The following KIRREL3 variants were observed in gnomAD, a reference collection of about 807,000 sequenced individuals.
The protein encoded by KIRREL3 is kirre like nephrin family adhesion molecule 3, also known as kin of IRRE-like protein 3.
In KIRREL3, 36 loss-of-function variants were observed where a neutral mutation model predicts 89.7. The observed-to-expected ratio is 0.40, with a 90% confidence interval of 0.31 to 0.53. The LOEUF (loss-of-function observed/expected upper bound fraction) is 0.53, where lower values mean the gene tolerates loss of function less well. Among genes scored for constraint, KIRREL3 ranks in the 20% least tolerant of loss-of-function variants. The pLI is 0.49. For synonymous variants in KIRREL3, 445 were observed against 441.4 expected (o/e 1.01, Z -0.10); for missense variants, 864 against 1,056.6 (o/e 0.82, Z 2.53).
chr11:126,551,295 C>A lies in KIRREL3; in HGVS notation c.133+11540G>T, dbSNP rs1177398437. 6.6e-6 allele frequency among the ~76,000 whole-genome samples: 1 copy of A among 152,052 alleles called. No homozygotes were observed. The highest frequency in any genetic ancestry group is 1.9e-4 in the East Asian group (1 of 5,176). On this transcript the variant is annotated intron_variant, in intron 2 of 16. Transcript: ENST00000525144. The surrounding 1 kb of genome is among the most constrained non-coding windows in gnomAD (Gnocchi z 4.9). ...ACTCTCTCAGGGAAGGGTCTTAAGACCCACAATCAGAAAGTGGTGAAAGGT... is the reference window on the plus strand; with the variant it reads ...ACTCTCTCAGGGAAGGGTCTTAAGAACCACAATCAGAAAGTGGTGAAAGGT...
rs1035699530 is a variant in KIRREL3 at position 126,897,136 on chromosome 11, G to A, written c.55+103319C>T. On this transcript the variant is annotated intron_variant, in intron 1 of 16. Coordinates refer to ENST00000525144, the MANE Select transcript of KIRREL3 (RefSeq NM_032531.4). This position sits in a 1 kb window ranked among gnomAD's most constrained non-coding sequence, Gnocchi z 4.2. ...GGCTACAAACAACTCCACAACTAAA[G>A]CAAACCCTTCTGGTCACCCTGGGTC... Among the ~76,000 whole-genome samples the A allele has an allele frequency of 2.0e-5, 3 of 152,040 alleles. No individual in the cohort carries two copies. Among genetic ancestry groups the A allele is most frequent in the Non-Finnish European group, 2.9e-5 (2 of 68,032 alleles).
rs1015861003 is a variant in KIRREL3 at position 126,551,164 on chromosome 11, C to T, written c.133+11671G>A. 6.6e-5 allele frequency among the ~76,000 whole-genome samples: 10 copies of T among 152,264 alleles called. No homozygotes were observed. The highest frequency in any genetic ancestry group is 1.9e-4 in the East Asian group (1 of 5,182). On this transcript the variant is annotated intron_variant, in intron 2 of 16. Coordinates refer to ENST00000525144, the MANE Select transcript of KIRREL3 (RefSeq NM_032531.4). The surrounding 1 kb of genome is among the most constrained non-coding windows in gnomAD (Gnocchi z 4.9). ...GGAGCTTCCACGCCCTCCCTGAGTG[C>T]GCCACCCTCCAGGAAGCTTTACATG...
chr11:126,945,586 G>A (rs1275361468), intron 1 of KIRREL3, among the ~76,000 whole-genome samples: 2 of 152,150 alleles, frequency 1.3e-5, no homozygotes, highest in Non-Finnish European at 2.9e-5. Flanking sequence ...GCCTTCAGGG[G>A]AAGCTGCAAA....
rs1292380401 is a variant in KIRREL3 at position 126,562,499 on chromosome 11, A to G, written c.133+336T>C. Among the ~76,000 whole-genome samples the G allele has an allele frequency of 6.6e-6, 1 of 152,222 alleles. No individual in the cohort carries two copies. The highest frequency in any genetic ancestry group is 1.5e-5 in the Non-Finnish European group (1 of 68,042). On this transcript the variant is annotated intron_variant, in intron 2 of 16. Transcript: ENST00000525144. The surrounding 1 kb of genome is among the most constrained non-coding windows in gnomAD (Gnocchi z 4.7). ...GGAGGCAAGTAGAGAGGTCTGGATTAGAAATGAAAATAGGAGCAGATTTAA... is the reference window on the plus strand; with the variant it reads ...GGAGGCAAGTAGAGAGGTCTGGATTGGAAATGAAAATAGGAGCAGATTTAA...
Position 126,686,143 on chromosome 11 carries a change from G to A in KIRREL3, c.56-123231C>T, listed in dbSNP as rs1374916493. On this transcript the variant is annotated intron_variant, in intron 1 of 16. Coordinates refer to ENST00000525144, the MANE Select transcript of KIRREL3 (RefSeq NM_032531.4). The surrounding 1 kb of genome is among the most constrained non-coding windows in gnomAD (Gnocchi z 4.7). ...TCCTTCCCTGTGGTCCGAGTTACTG[G>A]CAGGGTCTCTGCGTTCTGCCTTTGT... Among the ~76,000 whole-genome samples, 1 of 152,156 alleles carries A rather than the reference G, an allele frequency of 6.6e-6. No homozygotes were observed. The highest frequency in any genetic ancestry group is 1.5e-5 in the Non-Finnish European group (1 of 68,036).
At chr11:126,581,566 T>C (rs1019850112) in intron 1 of KIRREL3, among the ~76,000 whole-genome samples, 1 of 152,078 alleles carries the variant, frequency 6.6e-6, no homozygotes, top group African/African-American at 2.4e-5. Context: ...GATCTATTTA[T>C]GGTATACAAG....
chr11:126,895,415 C>T (rs1007339089), intron 1 of KIRREL3, among the ~76,000 whole-genome samples: 1 of 142,598 alleles, frequency 7.0e-6, no homozygotes, highest in Non-Finnish European at 1.5e-5. Flanking sequence ...CCACTGTACA[C>T]TGCAGCCTCA....
In KIRREL3 at chr11:126,431,264, A is replaced by G; in HGVS notation, c.1696+155T>C. 6.5e-7 allele frequency: 1 copy of G among 1,543,276 alleles called. No homozygotes were observed. Among genetic ancestry groups the G allele is most frequent in the Non-Finnish European group, 8.8e-7 (1 of 1,141,090 alleles). ...GGCGCCATGTTGCCCAGGCTCACATACACCGATGCATCAGACCCACTCCCT... is the reference window on the plus strand; with the variant it reads ...GGCGCCATGTTGCCCAGGCTCACATGCACCGATGCATCAGACCCACTCCCT... On this transcript the variant is annotated intron_variant, in intron 14 of 16. Coordinates refer to ENST00000525144, the MANE Select transcript of KIRREL3 (RefSeq NM_032531.4). The surrounding 1 kb of genome is among the most constrained non-coding windows in gnomAD (Gnocchi z 7.1).
intron 1 of KIRREL3, among the ~76,000 whole-genome samples, chr11:126,717,121 A>T (rs1947996112): frequency 6.6e-6 from 1 of 152,100 alleles, no homozygotes; most frequent in Non-Finnish European, 1.5e-5. Context: ...ACAAAGGGAG[A>T]TTTCTTTGCC....
chr11:126,811,304 G>C lies in KIRREL3; in HGVS notation c.55+189151C>G, dbSNP rs569492475. 6.6e-6 allele frequency among the ~76,000 whole-genome samples: 1 copy of C among 152,300 alleles called. No individual in the cohort carries two copies. Among genetic ancestry groups the C allele is most frequent in the East Asian group, 1.9e-4 (1 of 5,182 alleles). ...TTTCTTCAGAGAGAACTTTGACCCA[G>C]AACCGAGTGACTGTTATGGAGCTAC... On this transcript the variant is annotated intron_variant, in intron 1 of 16. Transcript: ENST00000525144. The surrounding 1 kb of genome is among the most constrained non-coding windows in gnomAD (Gnocchi z 4.3).
rs1049168068 is a variant in KIRREL3 at position 126,519,242 on chromosome 11, T to C, written c.433+2073A>G. Among the ~76,000 whole-genome samples the C allele has an allele frequency of 1.3e-5, 2 of 152,204 alleles. No homozygotes were observed. Among genetic ancestry groups the C allele is most frequent in the Non-Finnish European group, 2.9e-5 (2 of 68,032 alleles). ...AATCGGGTCTGTTCAGGTTGGATCC[T>C]GAGGCCCTGCTCTGAGAAGCCTGGC... is the stretch of plus-strand genomic sequence containing the variant. On this transcript the variant is annotated intron_variant, in intron 4 of 16. Coordinates refer to ENST00000525144, the MANE Select transcript of KIRREL3 (RefSeq NM_032531.4). This position sits in a 1 kb window ranked among gnomAD's most constrained non-coding sequence, Gnocchi z 4.3.
intron 1 of KIRREL3, among the ~76,000 whole-genome samples, chr11:126,901,288 G>C (rs139466063): frequency 0.022 from 3,318 of 151,034 alleles, 79 homozygotes; most frequent in Non-Finnish European, 0.028. Context: ...TCAAGTTAAC[G>C]ATTCTTTTAG....
chr11:126,756,167 A>G (rs1046173926), intron 1 of KIRREL3, among the ~76,000 whole-genome samples: 5 of 152,210 alleles, frequency 3.3e-5, no homozygotes, highest in African/African-American at 9.6e-5. Flanking sequence ...GCCAGACATA[A>G]TTAAGTAGAA....
rs1951410769 is a variant in KIRREL3 at position 126,812,126 on chromosome 11, T to C, written c.55+188329A>G. On this transcript the variant is annotated intron_variant, in intron 1 of 16. Coordinates refer to ENST00000525144, the MANE Select transcript of KIRREL3 (RefSeq NM_032531.4). This position sits in a 1 kb window ranked among gnomAD's most constrained non-coding sequence, Gnocchi z 5.2. ...ACCAGATATAATAGATTCTGTTCATTAAGGAAACTGCTTGCCATTTGCTAC... is the reference window on the plus strand; with the variant it reads ...ACCAGATATAATAGATTCTGTTCATCAAGGAAACTGCTTGCCATTTGCTAC... Among the ~76,000 whole-genome samples the C allele has an allele frequency of 6.6e-6, 1 of 152,208 alleles. No individual in the cohort carries two copies. Among genetic ancestry groups the C allele is most frequent in the African/African-American group, 2.4e-5 (1 of 41,444 alleles).
At chr11:126,833,662 C>T (rs920812327) in intron 1 of KIRREL3, among the ~76,000 whole-genome samples, 1 of 152,196 alleles carries the variant, frequency 6.6e-6, no homozygotes, top group African/African-American at 2.4e-5. Context: ...TGGCCTCACA[C>T]CTTTAGCCCC....
In KIRREL3 at chr11:126,739,587, C is replaced by G. The variant is rs1948912845; in HGVS notation, c.56-176675G>C. On this transcript the variant is annotated intron_variant, in intron 1 of 16. Transcript: ENST00000525144. The surrounding 1 kb of genome is among the most constrained non-coding windows in gnomAD (Gnocchi z 5.5). Reference sequence around the variant, plus strand: ...TCATACTCTTCCTGAAGGTATGTCACCTGGCTTTGTATGACAGCATGTTAA... The same window carrying G: ...TCATACTCTTCCTGAAGGTATGTCAGCTGGCTTTGTATGACAGCATGTTAA... 6.6e-6 allele frequency among the ~76,000 whole-genome samples: 1 copy of G among 152,160 alleles called. No individual in the cohort carries two copies. Among genetic ancestry groups the G allele is most frequent in the Non-Finnish European group, 1.5e-5 (1 of 68,048 alleles).
At chr11:126,851,701 G>A (rs565160111) in intron 1 of KIRREL3, among the ~76,000 whole-genome samples, 1 of 152,232 alleles carries the variant, frequency 6.6e-6, no homozygotes, top group South Asian at 2.1e-4. Flanking sequence ...CTAAACTGCA[G>A]GATGCAAATT....
At chr11:126,949,940 T>C (rs185146356) in intron 1 of KIRREL3, among the ~76,000 whole-genome samples, 5 of 152,212 alleles carry the variant, frequency 3.3e-5, no homozygotes, top group Admixed American at 2.6e-4. Flanking sequence ...TCCAAGAAAA[T>C]CTGCACGTCT....
At chr11:126,450,334 C>T (rs10893510) in intron 7 of KIRREL3, among the ~76,000 whole-genome samples, 88,024 of 145,530 alleles carry the variant, frequency 0.6, 26,185 homozygotes, top group East Asian at 0.83. Context: ...CATGTGTGAG[C>T]GTGGGCATGT....
Sources: allele counts gnomAD v4.1 joint callset (sites outside exome capture counted in the v4.1 genomes callset), GRCh38; gene constraint gnomAD v4.1.1; non-coding constraint Gnocchi (gnomAD v3.1); transcripts MANE v1.5; gene names NCBI Gene and HGNC (gene_info 2026-07-23, HGNC 2026-07-21).